RNGTT: variants seen among roughly 807,000 people sequenced by gnomAD.
RNGTT encodes the protein mRNA-capping enzyme.
Under a neutral mutation model 79.3 loss-of-function variants are expected in RNGTT, and 33 were observed. The ratio of observed to expected loss-of-function variants is 0.42; its 90% CI spans 0.32 to 0.56. RNGTT has a LOEUF of 0.56. RNGTT is among the 20% of genes least tolerant of loss of function. The pLI is 0.17. For missense variants in RNGTT, 497 were observed against 739.1 expected (o/e 0.67, Z 3.80); for synonymous variants, 222 against 235.9 (o/e 0.94, Z 0.54).
chr6:88,699,053 C>T (rs192565918), intron 13 of RNGTT, among the ~76,000 whole-genome samples: 5 of 152,266 alleles, frequency 3.3e-5, no homozygotes, highest in East Asian at 1.9e-4. Context: ...CACTTACCCT[C>T]GTGGTGAAAT....
chr6:88,779,532 A>G (rs188690881), intron 12 of RNGTT, among the ~76,000 whole-genome samples: 118 of 152,312 alleles, frequency 7.7e-4, no homozygotes, highest in African/African-American at 2.7e-3. Context: ...TTGTCTAATA[A>G]GAAAACAACA....
At chr6:88,774,859 T>C (rs1269543191) in intron 12 of RNGTT, among the ~76,000 whole-genome samples, 1 of 152,144 alleles carries the variant, frequency 6.6e-6, no homozygotes, top group Non-Finnish European at 1.5e-5. Context: ...ATGATTTCTG[T>C]TTGGGATGAT....
At chr6:88,755,588 G>A (rs1409056590) in intron 13 of RNGTT, among the ~76,000 whole-genome samples, 1 of 152,038 alleles carries the variant, frequency 6.6e-6, no homozygotes, top group Non-Finnish European at 1.5e-5. Context: ...ATAAAAGCAT[G>A]CCAAAGACTT....
intron 12 of RNGTT, among the ~76,000 whole-genome samples, chr6:88,784,369 C>A (rs9353612): frequency 2.6e-5 from 4 of 151,944 alleles, no homozygotes; most frequent in Non-Finnish European, 5.9e-5. Context: ...AATTAATACA[C>A]GTTAAGTGCT....
At chr6:88,920,130 T>A (rs921449367) in intron 4 of RNGTT, among the ~76,000 whole-genome samples, 12 of 152,138 alleles carry the variant, frequency 7.9e-5, no homozygotes, top group African/African-American at 2.4e-5. Context: ...TCTAAAAAAT[T>A]ATTTAATATA....
At chr6:88,702,368 A>G (rs1287447699) in intron 13 of RNGTT, among the ~76,000 whole-genome samples, 1 of 152,200 alleles carries the variant, frequency 6.6e-6, no homozygotes, top group Non-Finnish European at 1.5e-5. Context: ...ACAGACACAT[A>G]AACTGGTGAA....
intron 1 of RNGTT, among the ~76,000 whole-genome samples, chr6:88,948,920 C>T (rs7452865): frequency 1.1e-5 from 1 of 90,388 alleles, no homozygotes; most frequent in Non-Finnish European, 2.2e-5. Context: ...GCAGCATGCT[C>T]GTTAAGAGTC....
chr6:88,743,862 T>C (rs2127826662), intron 13 of RNGTT, among the ~76,000 whole-genome samples: 1 of 152,306 alleles, frequency 6.6e-6, no homozygotes, highest in African/African-American at 2.4e-5. Context: ...TTTTGAGGAA[T>C]GACCATACTG....
intron 1 of RNGTT, among the ~76,000 whole-genome samples, chr6:88,952,392 T>C (rs747896087): frequency 5.3e-5 from 8 of 152,170 alleles, no homozygotes; most frequent in Non-Finnish European, 1.2e-4. Flanking sequence ...CCCCACCTAT[T>C]GCCTGAGAAA....
At chr6:88,864,502 A>G (rs1269530325) in intron 8 of RNGTT, among the ~76,000 whole-genome samples, 1 of 152,146 alleles carries the variant, frequency 6.6e-6, no homozygotes. Context: ...GCACTCTACT[A>G]TAGTGGTTAA....
At chr6:88,806,434 C>T (rs891980655) in intron 11 of RNGTT, among the ~76,000 whole-genome samples, 1 of 151,486 alleles carries the variant, frequency 6.6e-6, no homozygotes, top group Non-Finnish European at 1.5e-5. Context: ...TCTCCTGCCT[C>T]GGCCTCCTAA....
chr6:88,846,906 T>C (rs1317953417), intron 10 of RNGTT, among the ~76,000 whole-genome samples: 1 of 152,194 alleles, frequency 6.6e-6, no homozygotes, highest in Non-Finnish European at 1.5e-5. Context: ...TGGAATACTC[T>C]CACCTCTCTA....
At chr6:88,809,737 A>G (rs1450048354) in intron 11 of RNGTT, among the ~76,000 whole-genome samples, 2 of 152,206 alleles carry the variant, frequency 1.3e-5, no homozygotes, top group Non-Finnish European at 2.9e-5. Flanking sequence ...ATTTTGCTGC[A>G]TGAAATACCT....
intron 13 of RNGTT, among the ~76,000 whole-genome samples, chr6:88,724,148 T>C (rs543874812): frequency 6.6e-6 from 1 of 152,224 alleles, no homozygotes; most frequent in Admixed American, 6.5e-5. Flanking sequence ...AAGAAAACTT[T>C]TAAATAAATT....
At chr6:88,909,208 G>C (rs1011153238) in intron 4 of RNGTT, among the ~76,000 whole-genome samples, 1 of 152,196 alleles carries the variant, frequency 6.6e-6, no homozygotes, top group Non-Finnish European at 1.5e-5. Flanking sequence ...AACGAACTGG[G>C]CACGCAGGGC....
intron 4 of RNGTT, among the ~76,000 whole-genome samples, chr6:88,923,174 T>A (rs1784214894): frequency 6.6e-6 from 1 of 152,218 alleles, no homozygotes; most frequent in Admixed American, 6.5e-5. Context: ...TGGGTTCAAG[T>A]GGTGGCTGCT....
At chr6:88,718,878 G>T (rs1776612923) in intron 13 of RNGTT, among the ~76,000 whole-genome samples, 1 of 152,170 alleles carries the variant, frequency 6.6e-6, no homozygotes, top group South Asian at 2.1e-4. Flanking sequence ...TCCAAAACCA[G>T]ATGTTTAGTT....
intron 14 of RNGTT, among the ~76,000 whole-genome samples, chr6:88,617,851 A>T (rs1772290120): frequency 6.7e-6 from 1 of 149,112 alleles, no homozygotes; most frequent in African/African-American, 2.6e-5. Context: ...TCTTTCAGCA[A>T]GAAACACTGC....
At chr6:88,737,775 A>G (rs533548358) in intron 13 of RNGTT, among the ~76,000 whole-genome samples, 1 of 152,344 alleles carries the variant, frequency 6.6e-6, no homozygotes, top group East Asian at 1.9e-4. Flanking sequence ...CTCTAGAACT[A>G]TAAGAAAATA....
Sources: allele counts gnomAD v4.1 joint callset (sites outside exome capture counted in the v4.1 genomes callset), GRCh38; gene constraint gnomAD v4.1.1; transcripts MANE v1.5; gene names NCBI Gene and HGNC (gene_info 2026-07-23, HGNC 2026-07-21).